The following TEAD4 variants were observed in gnomAD, a reference collection of about 807,000 sequenced individuals.
The protein encoded by TEAD4 is transcriptional enhancer factor TEF-3.
TEAD4 carries 36 observed loss-of-function variants against 52.4 expected under a neutral mutation model. The ratio of observed to expected loss-of-function variants is 0.69; its 90% confidence interval spans 0.53 to 0.91. TEAD4 has a LOEUF of 0.91. Among genes scored for constraint, TEAD4 ranks in the 40% least tolerant of loss-of-function variants. The pLI is 0.00. For missense variants in TEAD4, 508 were observed against 583.9 expected (o/e 0.87, Z 1.34); for synonymous variants, 220 against 231.0 (o/e 0.95, Z 0.43).
chr12:2,960,300 C>T (rs1176604234), intron 2 of TEAD4: 2 of 985,422 alleles, frequency 2.0e-6, no homozygotes, highest in Non-Finnish European at 1.2e-6. Flanking sequence ...GACCCAGCAC[C>T]CATGCCTCTT....
chr12:3,019,152 C>G lies in TEAD4; in HGVS notation c.565C>G (p.Pro189Ala). ...CTCTCAGCAAACCTATGCTGTCCAG[C>G]CTCCGCTGCCTCTGCCAGGTGGGTG... Residue 189 changes from proline to alanine, a missense_variant, in exon 8 of 13, where the codon CCT becomes GCT. Coordinates refer to ENST00000359864, the MANE Select transcript of TEAD4 (RefSeq NM_003213.4). 1 of 1,614,028 alleles carries G rather than the reference C, an allele frequency of 6.2e-7. No individual in the cohort carries two copies. The highest frequency in any genetic ancestry group is 8.5e-7 in the Non-Finnish European group (1 of 1,179,994).
intron 3 of TEAD4, among the ~76,000 whole-genome samples, chr12:3,006,056 A>T (rs78829618): frequency 2.6e-5 from 4 of 152,190 alleles, no homozygotes; most frequent in Non-Finnish European, 2.9e-5. Flanking sequence ...ATGAAAAATG[A>T]TAAGTATTTG....
At chr12:3,012,588 TG>T (rs1184352376) in intron 5 of TEAD4, among the ~76,000 whole-genome samples, 1 of 150,756 alleles carries the variant, frequency 6.6e-6, no homozygotes, top group Non-Finnish European at 1.5e-5. Flanking sequence ...GGCAGGGGCA[TG>T]GGGGGGTGCC....
At chr12:3,024,373 C>T (rs1263879123) in intron 10 of TEAD4, among the ~76,000 whole-genome samples, 1 of 152,204 alleles carries the variant, frequency 6.6e-6, no homozygotes, top group Non-Finnish European at 1.5e-5. Flanking sequence ...GTAGATTGAA[C>T]ACCAAAGAGC....
At chr12:3,036,338 C>A (rs918746199) in intron 10 of TEAD4, among the ~76,000 whole-genome samples, 1 of 152,102 alleles carries the variant, frequency 6.6e-6, no homozygotes, top group African/African-American at 2.4e-5. Flanking sequence ...TTTGTGGCTA[C>A]ATAATGTTTC....
intron 3 of TEAD4, among the ~76,000 whole-genome samples, chr12:3,005,351 T>G (rs1402654664): frequency 6.6e-6 from 1 of 152,220 alleles, no homozygotes; most frequent in Admixed American, 6.5e-5. Flanking sequence ...AGAAGTGCAG[T>G]GGTGTGATCA....
At chr12:2,969,991 T>C (rs1362598465) in intron 2 of TEAD4, among the ~76,000 whole-genome samples, 1 of 152,126 alleles carries the variant, frequency 6.6e-6, no homozygotes, top group East Asian at 1.9e-4. Context: ...CTCAGGAGGC[T>C]GAGGCGGGAG....
At chr12:3,009,451 TAAA>T (rs1441674210) in intron 3 of TEAD4, among the ~76,000 whole-genome samples, 2 of 150,216 alleles carry the variant, frequency 1.3e-5, no homozygotes, top group Non-Finnish European at 2.9e-5. Context: ...AAAATAAAAA[TAAA>T]GAAGAAGAGA....
In TEAD4 at chr12:3,040,163, G is replaced by A. The variant is rs762049879; in HGVS notation, c.1095G>A (p.Pro365=). 39 of 1,614,050 alleles carry A rather than the reference G, an allele frequency of 2.4e-5. No individual in the cohort carries two copies. The highest frequency in any genetic ancestry group is 5.0e-5 in the Admixed American group (3 of 59,996). The change falls in exon 12 of 13, where the codon CCG becomes CCA. Residue 365 remains proline (P), a synonymous_variant. Coordinates refer to ENST00000359864, the MANE Select transcript of TEAD4 (RefSeq NM_003213.4). Reference sequence around the variant, plus strand: ...ACTCTTACCGCATCCACCGGTCCCCGCTCTGTGAGTACATGATCAACTTCA... The same window carrying A: ...ACTCTTACCGCATCCACCGGTCCCCACTCTGTGAGTACATGATCAACTTCA...
At chr12:2,962,907 TG>T (rs2098216974) in intron 2 of TEAD4, among the ~76,000 whole-genome samples, 1 of 152,164 alleles carries the variant, frequency 6.6e-6, no homozygotes, top group Non-Finnish European at 1.5e-5. Context: ...CCCTGTGGAT[TG>T]CAGTGCTTGT....
intron 10 of TEAD4, among the ~76,000 whole-genome samples, chr12:3,033,667 C>A (rs1423409248): frequency 6.6e-6 from 1 of 152,208 alleles, no homozygotes; most frequent in Non-Finnish European, 1.5e-5. Context: ...CTCTGCTCAT[C>A]TGTCAGTCAC....
At chr12:2,988,191 A>G (rs2098240184) in intron 2 of TEAD4, among the ~76,000 whole-genome samples, 1 of 152,066 alleles carries the variant, frequency 6.6e-6, no homozygotes, top group South Asian at 2.1e-4. Context: ...GTTTCTCTCC[A>G]TTTATTTAGG....
At chr12:2,962,346 A>ATATTTT (rs1350931012) in intron 2 of TEAD4, among the ~76,000 whole-genome samples, 4,660 of 127,986 alleles carry the variant, frequency 0.036, 128 homozygotes, top group Non-Finnish European at 0.051. Flanking sequence ...ATATATATAT[A>ATATTTT]TTTTTTGAGA....
At chr12:2,997,047 G>T (rs1336621484) in intron 3 of TEAD4, among the ~76,000 whole-genome samples, 1 of 152,168 alleles carries the variant, frequency 6.6e-6, no homozygotes, top group Non-Finnish European at 1.5e-5. Flanking sequence ...TGTCTGGAGG[G>T]TAGGTAGTCC....
At chr12:2,998,512 A>G (rs1003256437) in intron 3 of TEAD4, among the ~76,000 whole-genome samples, 1 of 151,120 alleles carries the variant, frequency 6.6e-6, no homozygotes, top group Non-Finnish European at 1.5e-5. Flanking sequence ...GCTGAGACCC[A>G]GGGAGGGGCA....
chr12:2,968,490 C>T (rs1032660769), intron 2 of TEAD4, among the ~76,000 whole-genome samples: 8 of 149,826 alleles, frequency 5.3e-5, no homozygotes, highest in Non-Finnish European at 1.2e-4. Flanking sequence ...CTCAACCTCC[C>T]GCGCCCAAGT....
At chr12:2,968,090 T>TTC (rs1246018616) in intron 2 of TEAD4, among the ~76,000 whole-genome samples, 1 of 120,762 alleles carries the variant, frequency 8.3e-6, no homozygotes, top group Non-Finnish European at 1.5e-5. Context: ...GGTCTTTTTT[T>TTC]TTTTTTTTTT....
chr12:2,961,828 A>G (rs1044433919), intron 2 of TEAD4, among the ~76,000 whole-genome samples: 5 of 152,122 alleles, frequency 3.3e-5, no homozygotes, highest in Non-Finnish European at 7.4e-5. Context: ...TCTGAGCACC[A>G]TTTGAGAAAC....
chr12:3,009,606 G>A (rs994890704), intron 3 of TEAD4, among the ~76,000 whole-genome samples: 8 of 152,308 alleles, frequency 5.3e-5, no homozygotes, highest in African/African-American at 9.6e-5. Flanking sequence ...ACTTAGACCC[G>A]AGATGCTGCA....
Sources: allele counts gnomAD v4.1 joint callset (sites outside exome capture counted in the v4.1 genomes callset), GRCh38; gene constraint gnomAD v4.1.1; transcripts MANE v1.5; gene names NCBI Gene and HGNC (gene_info 2026-07-23, HGNC 2026-07-21).